Variants in NRXN1 observed in about 807,000 individuals in gnomAD.
The protein encoded by NRXN1 is neurexin-1.
In NRXN1, 39 loss-of-function variants were observed where a neutral mutation model predicts 150.9. The observed-to-expected ratio is 0.26, with a 90% CI of 0.20 to 0.34. The LOEUF is 0.34. NRXN1 is among the 10% of genes least tolerant of loss of function. The pLI, the probability that NRXN1 is intolerant of heterozygous loss-of-function variation, is 1.00. For missense variants in NRXN1, 1,815 were observed against 1,949.9 expected, an observed-to-expected ratio of 0.93 and a Z score of 1.30; for synonymous variants, 924 against 757.0, an observed-to-expected ratio of 1.22 and a Z score of -3.62.
intron 18 of NRXN1, among the ~76,000 whole-genome samples, chr2:50,186,572 T>C (rs1234696102): frequency 1.3e-5 from 2 of 152,020 alleles, no homozygotes; most frequent in Non-Finnish European, 2.9e-5. Flanking sequence ...ACCAAATGTC[T>C]CAACGAATTT....
rs34154047 is a variant in NRXN1, at chr2:50,376,872, C to T, written c.3364+88570G>A. On this transcript the variant is annotated intron_variant, in intron 17 of 22. Transcript: ENST00000401669. ...GCAGGTTAGTCTTAGAAAGAGGAACCGGTTCTTTGTGTGAGACTCAACAAG... is the reference window on the plus strand; with the variant it reads ...GCAGGTTAGTCTTAGAAAGAGGAACTGGTTCTTTGTGTGAGACTCAACAAG... Among the ~76,000 whole-genome samples, 20 of 152,044 alleles carry T rather than the reference C, an allele frequency of 1.3e-4. No individual in the cohort carries two copies. The East Asian group carries it at 3.3e-3, about 25-fold the overall frequency.
At chr2:50,623,675 T>A (rs560055109) in intron 5 of NRXN1, 60 bp from the exon 6 acceptor site, 4 of 1,248,612 alleles carry the variant, frequency 3.2e-6, no homozygotes, top group Non-Finnish European at 4.5e-6. Flanking sequence ...AATCAGCAGG[T>A]CTTAACAGAA....
chr2:50,608,664 C>T (rs1677533278), intron 8 of NRXN1, among the ~76,000 whole-genome samples: 1 of 152,028 alleles, frequency 6.6e-6, no homozygotes, highest in Admixed American at 6.6e-5. Context: ...GGTTTCAATC[C>T]TTGATGATCA....
Position 50,045,064 on chromosome 2 carries a change from A to T in NRXN1, c.4128+8207T>A, listed in dbSNP as rs975123726. ...GTGAAAGCTGTTTGGTAAATGCTGAATAAAGGCAGAGAAATTACCTGAGCC... is the reference window on the plus strand; with the variant it reads ...GTGAAAGCTGTTTGGTAAATGCTGATTAAAGGCAGAGAAATTACCTGAGCC... On this transcript the variant is annotated intron_variant, in intron 21 of 22. Coordinates refer to ENST00000401669, the MANE Select transcript of NRXN1 (RefSeq NM_001330078.2). Among the ~76,000 whole-genome samples the T allele has an allele frequency of 7.2e-5, 11 of 152,262 alleles. No individual in the cohort carries two copies. In the South Asian group the frequency reaches 2.3e-3, roughly 32 times the overall value.
chr2:50,614,640 AAT>A (rs67833688), intron 8 of NRXN1, among the ~76,000 whole-genome samples: 76 of 143,302 alleles, frequency 5.3e-4, no homozygotes, highest in African/African-American at 1.3e-3. Context: ...GTATAATAAA[AAT>A]ATATATATAT....
At chr2:50,697,568 G>A (rs944481949) in intron 5 of NRXN1, among the ~76,000 whole-genome samples, 3 of 152,056 alleles carry the variant, frequency 2.0e-5, no homozygotes, top group Non-Finnish European at 2.9e-5. Flanking sequence ...GGTTTCATCC[G>A]AACCTAACGC....
At chr2:50,042,801 T>A (rs1691211714) in intron 21 of NRXN1, among the ~76,000 whole-genome samples, 1 of 152,314 alleles carries the variant, frequency 6.6e-6, no homozygotes, top group East Asian at 1.9e-4. Context: ...TGAATCTCTA[T>A]TCATCTATCT....
At chr2:50,129,469 T>G (rs1428822699) in intron 18 of NRXN1, among the ~76,000 whole-genome samples, 1 of 152,200 alleles carries the variant, frequency 6.6e-6, no homozygotes, top group Non-Finnish European at 1.5e-5. Flanking sequence ...TGTGAGTTTA[T>G]ATAGGATTAC....
chr2:50,845,525 A>C (rs1024327576), intron 5 of NRXN1, among the ~76,000 whole-genome samples: 9 of 152,164 alleles, frequency 5.9e-5, no homozygotes, highest in African/African-American at 2.2e-4. Context: ...GGCGTTTTTC[A>C]CCATCTGAAA....
intron 2 of NRXN1, chr2:50,979,355 T>G (rs1202860148): frequency 4.3e-6 from 2 of 470,344 alleles, no homozygotes; most frequent in African/African-American, 2.0e-5. Flanking sequence ...GTATCCTCCT[T>G]GTTTAACAAA....
At chr2:50,617,987 G>C (rs575171397) in intron 8 of NRXN1, among the ~76,000 whole-genome samples, 6 of 152,268 alleles carry the variant, frequency 3.9e-5, no homozygotes, top group Admixed American at 3.9e-4. Context: ...ATTCCCTGCA[G>C]GAATTACTAT....
At chr2:50,936,469 GA>G (rs1688560970) in intron 2 of NRXN1, among the ~76,000 whole-genome samples, 1 of 152,030 alleles carries the variant, frequency 6.6e-6, no homozygotes, top group Non-Finnish European at 1.5e-5. Context: ...CAATAACTAA[GA>G]AAAAAACTAG....
intron 5 of NRXN1, chr2:50,758,114 C>T (rs1030013482): frequency 6.6e-6 from 1 of 151,752 alleles, no homozygotes; most frequent in African/African-American, 2.4e-5. Context: ...CCTTCCTTAT[C>T]CATCTGAAAA....
At position 50,388,448 on chromosome 2, in the gene NRXN1, C is replaced by T. The variant is rs572001758; in HGVS notation, c.3364+76994G>A. 9.2e-5 allele frequency among the ~76,000 whole-genome samples: 14 copies of T among 152,218 alleles called. No individual in the cohort carries two copies. The East Asian group carries it at 2.3e-3, about 25-fold the overall frequency. On this transcript the variant is annotated intron_variant, in intron 17 of 22. Transcript: ENST00000401669. ...TGAGAATCCAGTACATGTGTACTGG[C>T]ACTTTCATAGCCACTTGGAACACAT...
intron 12 of NRXN1, among the ~76,000 whole-genome samples, chr2:50,519,133 A>G (rs1045020748): frequency 6.6e-6 from 1 of 151,916 alleles, no homozygotes; most frequent in Non-Finnish European, 1.5e-5. Flanking sequence ...TGATTGTTCA[A>G]ATGAAGGCTA....
At chr2:50,304,959 G>A (rs185968394) in intron 17 of NRXN1, among the ~76,000 whole-genome samples, 12 of 152,108 alleles carry the variant, frequency 7.9e-5, no homozygotes, top group East Asian at 7.8e-4. Flanking sequence ...GTGTGGTGGC[G>A]GGTGCCTGTA....
chr2:50,997,992 A>C lies in NRXN1; in HGVS notation c.772+29510T>G, dbSNP rs564727694. Among the ~76,000 whole-genome samples, 11 of 141,592 alleles carry C rather than the reference A, an allele frequency of 7.8e-5. 1 individual carries two copies. Among genetic ancestry groups the C allele is most frequent in the Admixed American group, 7.5e-4 (11 of 14,634 alleles). The allele number at this position is 141,592 out of a possible 152,430, so 92.9% of individuals were successfully genotyped here. A position where few individuals can be genotyped will look rare whatever the true frequency, so the allele number is the denominator to read the frequency against. On this transcript the variant is annotated intron_variant, in intron 2 of 22. Coordinates refer to ENST00000401669, the MANE Select transcript of NRXN1 (RefSeq NM_001330078.2). ...GAAATAAAAAGGGAGGACTAGAGGA[A>C]GTGTACCCTCCAGAGAAGCCAAATT...
chr2:50,718,479 CAT>C (rs1207811670), intron 5 of NRXN1, among the ~76,000 whole-genome samples: 9 of 152,116 alleles, frequency 5.9e-5, no homozygotes, highest in Non-Finnish European at 1.0e-4. Context: ...CCCAAAACAA[CAT>C]AGTTATTAAT....
chr2:50,843,719 G>A (rs898486605), intron 5 of NRXN1, among the ~76,000 whole-genome samples: 5 of 152,034 alleles, frequency 3.3e-5, no homozygotes, highest in African/African-American at 1.2e-4. Flanking sequence ...ACTATTCTAG[G>A]AGAGCCATGC....
Sources: allele counts gnomAD v4.1 joint callset (sites outside exome capture counted in the v4.1 genomes callset), GRCh38; gene constraint gnomAD v4.1.1; transcripts MANE v1.5; gene names NCBI Gene and HGNC (gene_info 2026-07-23, HGNC 2026-07-21).